The following PCDH11X variants were observed in gnomAD, a reference collection of about 807,000 sequenced individuals.
PCDH11X encodes the protein protocadherin 11 X-linked, also known as protocadherin-11 X-linked.
A neutral mutation model predicts 53.3 loss-of-function variants in PCDH11X; 18 were observed. That is an observed-to-expected ratio of 0.34 (90% CI 0.23 to 0.50). The LOEUF is 0.50. Among genes scored for constraint, PCDH11X ranks in the 20% least tolerant of loss-of-function variants. The pLI, the probability that PCDH11X is intolerant of heterozygous loss-of-function variation, is 0.98. For synonymous variants in PCDH11X, 279 were observed against 393.3 expected (o/e 0.71, Z 3.44); for missense variants, 570 against 1,032.4 (o/e 0.55, Z 6.14).
intron 8 of PCDH11X, among the ~76,000 whole-genome samples, chrX:92,294,087 A>ATGATTC (rs1440118490): frequency 9.0e-6 from 1 of 110,603 alleles, no homozygotes; most frequent in Non-Finnish European, 1.9e-5. Context: ...GAAATCTAAA[A>ATGATTC]TGATTCTAAA....
At position 91,886,832 on chromosome X, in the gene PCDH11X, G is replaced by A. The variant is rs746453471; in HGVS notation, c.3033+7559G>A. ...TAAAAATACAAAAAATTAGCTGGGCGTGGTGGCGGGCGCCTGTAGTCCCAG... is the reference window on the plus strand; with the variant it reads ...TAAAAATACAAAAAATTAGCTGGGCATGGTGGCGGGCGCCTGTAGTCCCAG... On this transcript the variant is annotated intron_variant, in intron 6 of 10. Coordinates refer to ENST00000682573, the MANE Select transcript of PCDH11X (RefSeq NM_032968.5). Among the ~76,000 whole-genome samples the A allele has an allele frequency of 1.7e-3, 185 of 108,125 alleles. 1 individual carries two copies. The highest frequency in any genetic ancestry group is 5.7e-3 in the African/African-American group (169 of 29,693). 93.9% of individuals were successfully genotyped at this position (108,125 alleles called of 115,157 possible).
chrX:91,803,875 A>T (rs753570097), intron 1 of PCDH11X, among the ~76,000 whole-genome samples: 2 of 111,325 alleles, frequency 1.8e-5, no homozygotes, highest in Non-Finnish European at 3.8e-5. Context: ...CTTTATATAT[A>T]TTTTTAATAG....
chrX:92,525,350 G>T lies in PCDH11X; in HGVS notation c.3367+57028G>T, dbSNP rs1257291592. ...TAAGACTTTAAAAAAAGTAGAGTTG[G>T]CTGGGCGCGGTGGCTCACGCCTGTA... On this transcript the variant is annotated intron_variant, in intron 10 of 10. Coordinates refer to ENST00000682573, the MANE Select transcript of PCDH11X (RefSeq NM_032968.5). Among the ~76,000 whole-genome samples, 5 of 111,793 alleles carry T rather than the reference G, an allele frequency of 4.5e-5. No individual in the cohort carries two copies. The East Asian group carries it at 1.4e-3, about 31-fold the overall frequency.
intron 10 of PCDH11X, 125 bp from the exon 11 acceptor site, chrX:92,618,139 T>C (rs1441384182): frequency 2.5e-5 from 22 of 895,979 alleles, no homozygotes; most frequent in Admixed American, 3.6e-5. Flanking sequence ...ACTCTATAAA[T>C]AATGGAAGTC....
rs1176607385 is a variant in PCDH11X at position 92,540,708 on chromosome X, G to A, written c.3367+72386G>A. Among the ~76,000 whole-genome samples the A allele has an allele frequency of 2.8e-5, 3 of 107,105 alleles. No individual in the cohort carries two copies. The Admixed American group carries it at 3.1e-4, about 11-fold the overall frequency. The allele number at this position is 107,105 out of a possible 115,157, so 93.0% of individuals were successfully genotyped here. On this transcript the variant is annotated intron_variant, in intron 10 of 10. Coordinates refer to ENST00000682573, the MANE Select transcript of PCDH11X (RefSeq NM_032968.5). ...TACATCTCAGAGCCCGAGGCCCATG[G>A]AGTACTCCCTGACTATCACTCCTTA...
At chrX:91,999,828 A>T (rs2062479995) in intron 6 of PCDH11X, among the ~76,000 whole-genome samples, 1 of 111,197 alleles carries the variant, frequency 9.0e-6, no homozygotes, top group East Asian at 2.8e-4. Flanking sequence ...TATCCCTACC[A>T]AACTGTATGT....
At chrX:92,238,033 G>A (rs1282097198) in intron 7 of PCDH11X, among the ~76,000 whole-genome samples, 2 of 111,509 alleles carry the variant, frequency 1.8e-5, no homozygotes, top group African/African-American at 6.5e-5. Flanking sequence ...AAACTCATTG[G>A]CTTTTAAAAG....
At chrX:91,791,856 CAT>C (rs1935554969) in intron 1 of PCDH11X, among the ~76,000 whole-genome samples, 2 of 80,101 alleles carry the variant, frequency 2.5e-5, no homozygotes, top group African/African-American at 5.6e-5. Context: ...ACGATCAGTA[CAT>C]TTTTTTTTTT....
At chrX:92,193,301 T>C (rs924446836) in intron 6 of PCDH11X, among the ~76,000 whole-genome samples, 3 of 111,720 alleles carry the variant, frequency 2.7e-5, no homozygotes, top group Non-Finnish European at 3.8e-5. Flanking sequence ...ATCATCTCAG[T>C]ATTATTGATA....
At chrX:92,113,115 G>A in intron 6 of PCDH11X, 2 of 575,137 alleles carry the variant, frequency 3.5e-6, no homozygotes, top group South Asian at 4.8e-5. Context: ...GCCTCAAAAA[G>A]TGACATTTAT....
At chrX:92,400,530 A>G (rs1437009668) in intron 9 of PCDH11X, among the ~76,000 whole-genome samples, 1 of 111,518 alleles carries the variant, frequency 9.0e-6, no homozygotes, top group Admixed American at 9.6e-5. Context: ...GAGTCATAAA[A>G]AAGAAACGTC....
At chrX:91,942,492 A>G (rs2061522631) in intron 6 of PCDH11X, among the ~76,000 whole-genome samples, 1 of 110,099 alleles carries the variant, frequency 9.1e-6, no homozygotes, top group Non-Finnish European at 1.9e-5. Flanking sequence ...AATGCAAACA[A>G]CCAAAGTTCA....
At chrX:91,824,034 C>T (rs781473584) in intron 4 of PCDH11X, among the ~76,000 whole-genome samples, 37 of 111,309 alleles carry the variant, frequency 3.3e-4, no homozygotes, top group East Asian at 8.5e-4. Context: ...GGGTTTCTGC[C>T]GAGAGATCCG....
intron 8 of PCDH11X, among the ~76,000 whole-genome samples, chrX:92,335,944 C>T (rs984948770): frequency 9.9e-5 from 11 of 110,960 alleles, no homozygotes; most frequent in East Asian, 2.8e-4. Context: ...ACTTTTATGC[C>T]GTTGGTGGTC....
chrX:92,068,934 G>A (rs1172863491), intron 6 of PCDH11X, among the ~76,000 whole-genome samples: 1 of 111,243 alleles, frequency 9.0e-6, no homozygotes, highest in Non-Finnish European at 1.9e-5. Flanking sequence ...ATGTGCAGGG[G>A]AGAAAAAATG....
At chrX:91,929,700 G>A (rs1246033028) in intron 6 of PCDH11X, among the ~76,000 whole-genome samples, 1 of 111,409 alleles carries the variant, frequency 9.0e-6, no homozygotes, top group Non-Finnish European at 1.9e-5. Flanking sequence ...AAATGCAAAG[G>A]AAGTGAAATA....
At chrX:91,815,777 G>A (rs911659353) in intron 4 of PCDH11X, among the ~76,000 whole-genome samples, 3 of 107,168 alleles carry the variant, frequency 2.8e-5, no homozygotes, top group Admixed American at 1.0e-4. Flanking sequence ...ACATGTTGAC[G>A]TGTTAATATA....
intron 1 of PCDH11X, among the ~76,000 whole-genome samples, chrX:91,808,928 T>C (rs1936210246): frequency 9.2e-6 from 1 of 109,080 alleles, no homozygotes; most frequent in Admixed American, 9.7e-5. Context: ...TATTTATCTT[T>C]AGTAAAATTA....
At chrX:91,938,241 C>T (rs1219949415) in intron 6 of PCDH11X, among the ~76,000 whole-genome samples, 1 of 110,220 alleles carries the variant, frequency 9.1e-6, no homozygotes, top group Non-Finnish European at 1.9e-5. Context: ...AACATTTTTA[C>T]ATCTGTCCAA....
Sources: allele counts gnomAD v4.1 joint callset (sites outside exome capture counted in the v4.1 genomes callset), GRCh38; gene constraint gnomAD v4.1.1; transcripts MANE v1.5; gene names NCBI Gene and HGNC (gene_info 2026-07-23, HGNC 2026-07-21).